Variants in MSL3 observed in about 807,000 individuals in gnomAD.
The protein encoded by MSL3 is MSL complex subunit 3.
MSL3 carries 5 observed loss-of-function variants against 37.2 expected under a neutral mutation model. The observed-to-expected ratio is 0.13, with a 90% confidence interval of 0.07 to 0.28. The LOEUF (loss-of-function observed/expected upper bound fraction) is 0.28, where lower values mean the gene tolerates loss of function less well. MSL3 is among the 10% of genes least tolerant of loss of function. The probability of loss-of-function intolerance (pLI) is 1.00; values close to 1 mark genes in which losing one functional copy is unlikely to be tolerated. For missense variants in MSL3, 315 were observed against 408.5 expected (o/e 0.77, Z 1.97); for synonymous variants, 149 against 147.6 (o/e 1.01, Z -0.07).
At chrX:11,758,197 CG>C, upstream of MSL3, 2 of 175,242 alleles carry the variant, frequency 1.1e-5, no homozygotes, top group Non-Finnish European at 1.0e-5. Flanking sequence ...TCCCCGCCCC[CG>C]CCCGCCCTCC....
At position 11,758,278 on chromosome X, in the gene MSL3, G is replaced by C; in HGVS notation, c.15G>C (p.Glu5Asp). The part of the protein sequence containing the change: MSAS[E>D]GMKFKFHSGE... Reference sequence around the variant, plus strand: ...ACGATGAGCAAATGAGCGCGAGCGAGGGCATGAAATTTAAATTCCACTCAG... The same window carrying C: ...ACGATGAGCAAATGAGCGCGAGCGACGGCATGAAATTTAAATTCCACTCAG... The change falls in exon 1 of 13, where the codon GAG becomes GAC. Residue 5 changes from glutamate (E) to aspartate (D), a missense_variant. Transcript: ENST00000312196. The C allele has an allele frequency of 9.1e-7, 1 of 1,098,166 alleles. No homozygotes were observed. The highest frequency in any genetic ancestry group is 2.1e-5 in the South Asian group (1 of 47,340). The allele number at this position is 1,098,166 out of a possible 1,213,427, so 90.5% of individuals were successfully genotyped here. A position where few individuals can be genotyped will look rare whatever the true frequency, so the allele number is the denominator to read the frequency against.
chrX:11,764,068 GT>G, intron 8 of MSL3, 130 bp downstream of exon 8: 3 of 576,549 alleles, frequency 5.2e-6, no homozygotes, highest in South Asian at 8.5e-5. Flanking sequence ...AAAAGTGTGT[GT>G]CCTGGTGGTT....
intron 10 of MSL3, among the ~76,000 whole-genome samples, chrX:11,771,653 C>T (rs949899521): frequency 5.3e-5 from 6 of 112,662 alleles, no homozygotes; most frequent in Non-Finnish European, 9.4e-5. Context: ...AACCTTGGTT[C>T]ACTGTAACCT....
intron 8 of MSL3, chrX:11,764,332 G>C (rs1476230022): frequency 8.3e-6 from 1 of 119,840 alleles, no homozygotes; most frequent in East Asian, 2.6e-4. Context: ...TCTTTTGCAG[G>C]TGTGGGATGG....
intron 10 of MSL3, among the ~76,000 whole-genome samples, chrX:11,770,243 A>C (rs1343832759): frequency 8.9e-6 from 1 of 112,326 alleles, no homozygotes; most frequent in Non-Finnish European, 1.9e-5. Flanking sequence ...GGCTGACCCC[A>C]TAGAGAATCT....
Position 11,766,972 on chromosome X carries a change from G to A in MSL3, c.1171+1243G>A, listed in dbSNP as rs2053189798. ...TGTTCTTCCCTCAGCCTCGCCTGCTGTGCTGACTCCTTCAGGGGTCCTTCT... is the reference window on the plus strand; with the variant it reads ...TGTTCTTCCCTCAGCCTCGCCTGCTATGCTGACTCCTTCAGGGGTCCTTCT... On this transcript the variant is annotated intron_variant, in intron 9 of 12. Coordinates refer to ENST00000312196, the MANE Select transcript of MSL3 (RefSeq NM_078629.4). 8.0e-6 allele frequency: 6 copies of A among 753,222 alleles called. No homozygotes were observed. The Admixed American group carries it at 5.2e-4, about 65-fold the overall frequency. 62.1% of individuals were successfully genotyped at this position (753,222 alleles called of 1,213,427 possible).
chrX:11,771,867 C>A (rs1352864439), intron 10 of MSL3, among the ~76,000 whole-genome samples: 3 of 112,306 alleles, frequency 2.7e-5, no homozygotes, highest in African/African-American at 6.5e-5. Context: ...AGGTGTGAGC[C>A]ACCGCGCCTG....
intron 12 of MSL3, among the ~76,000 whole-genome samples, chrX:11,773,835 A>G (rs1411950313): frequency 8.9e-6 from 1 of 112,393 alleles, no homozygotes; most frequent in Admixed American, 9.4e-5. Flanking sequence ...GATATCAACC[A>G]GAATCAATGG....
At chrX:11,767,079 TC>T in intron 9 of MSL3, 6 of 754,014 alleles carry the variant, frequency 8.0e-6, no homozygotes, top group Non-Finnish European at 9.4e-6. Flanking sequence ...GTACATCCTG[TC>T]CCTGCCACAT....
rs1394513771 is a variant in MSL3, at chrX:11,775,067, G to A, written c.1554G>A (p.Arg518=). The change falls in exon 13 of 13, where the codon CGG becomes CGA. Residue 518 remains arginine, a synonymous_variant. Transcript: ENST00000312196. Reference sequence around the variant, plus strand: ...CACATTACAGCACCAAGAACCCCCGGGCAATTTATTAAAATGTTGTTGGTT... The same window carrying A: ...CACATTACAGCACCAAGAACCCCCGAGCAATTTATTAAAATGTTGTTGGTT... ...CEAHYSTKNP[R]AIY The A allele has an allele frequency of 1.7e-6, 2 of 1,201,557 alleles. No individual in the cohort carries two copies. The highest frequency in any genetic ancestry group is 2.2e-5 in the Admixed American group (1 of 45,828).
Position 11,775,348 on chromosome X carries a change from G to A in MSL3, c.*269G>A, listed in dbSNP as rs1026105026. ...CAACTATGTTCACAGTGAAATATTC[G>A]TGGAATAGGTTAGGCCATTTCAGTA... is the stretch of plus-strand genomic sequence containing the variant. On this transcript the variant is annotated 3_prime_UTR_variant, in exon 13 of 13. Transcript: ENST00000312196. 5.1e-5 allele frequency: 15 copies of A among 293,005 alleles called. No homozygotes were observed. The highest frequency in any genetic ancestry group is 3.0e-4 in the African/African-American group (11 of 36,694). 24.1% of individuals were successfully genotyped at this position (293,005 alleles called of 1,213,427 possible). A position where few individuals can be genotyped will look rare whatever the true frequency, so the allele number is the denominator to read the frequency against.
chrX:11,769,337 G>A (rs1569096050), intron 10 of MSL3, among the ~76,000 whole-genome samples: 2 of 112,001 alleles, frequency 1.8e-5, no homozygotes, highest in Admixed American at 9.4e-5. Flanking sequence ...CCACCACTGT[G>A]CCAGACACTT....
intron 10 of MSL3, among the ~76,000 whole-genome samples, chrX:11,771,861 G>A: frequency 8.9e-6 from 1 of 112,460 alleles, no homozygotes; most frequent in East Asian, 2.8e-4. Flanking sequence ...GATTACAGGT[G>A]TGAGCCACCG....
intron 10 of MSL3, among the ~76,000 whole-genome samples, chrX:11,770,549 C>T (rs950352004): frequency 9.0e-6 from 1 of 111,296 alleles, no homozygotes; most frequent in Non-Finnish European, 1.9e-5. Flanking sequence ...ATGAGACCTT[C>T]GTGGATTCCC....
At chrX:11,758,428 CG>C in intron 1 of MSL3, 63 bp downstream of exon 1, 3 of 669,904 alleles carry the variant, frequency 4.5e-6, no homozygotes, top group Non-Finnish European at 6.1e-6. Context: ...GGGGCGGGGG[CG>C]GGGGCGGACG....
intron 9 of MSL3, chrX:11,768,321 C>T (rs1268810417): frequency 7.9e-6 from 2 of 252,796 alleles, no homozygotes; most frequent in African/African-American, 5.7e-5. Context: ...TAGTATGTGG[C>T]CCTTTGTGAT....
At position 11,775,279 on chromosome X, in the gene MSL3, G is replaced by A. The variant is rs1337098913; in HGVS notation, c.*200G>A. On this transcript the variant is annotated 3_prime_UTR_variant, in exon 13 of 13. Transcript: ENST00000312196. ...TGGGTGCCTGAAAGTGCTCTGACAC[G>A]ACACTTGTTACTTTGCAGGCCATCT... is the stretch of plus-strand genomic sequence containing the variant. The A allele has an allele frequency of 2.3e-5, 9 of 385,724 alleles. No homozygotes were observed. The highest frequency in any genetic ancestry group is 1.5e-4 in the Admixed American group (3 of 20,020). 31.8% of individuals were successfully genotyped at this position (385,724 alleles called of 1,213,427 possible).
At chrX:11,759,574 G>A (rs1484273582) in intron 1 of MSL3, 2 of 1,033,131 alleles carry the variant, frequency 1.9e-6, no homozygotes. Context: ...ACTGTCTCAC[G>A]CTCAGAGACC....
intron 12 of MSL3, among the ~76,000 whole-genome samples, chrX:11,774,358 C>T (rs183467816): frequency 2.7e-5 from 3 of 111,674 alleles, no homozygotes; most frequent in East Asian, 2.8e-4. Context: ...CTTGCTCTGT[C>T]GCCTGGGCTG....
Sources: gnomAD v4.1 joint callset for allele counts (sites outside exome capture counted in the v4.1 genomes callset) on GRCh38, gnomAD v4.1.1 for gene constraint, MANE v1.5 for transcripts, NCBI Gene and HGNC (gene_info 2026-07-23, HGNC 2026-07-21) for gene names.